The following SUGCT variants were observed in gnomAD, a reference collection of about 807,000 sequenced individuals.
SUGCT encodes the protein succinyl-CoA:glutarate CoA-transferase.
Under a neutral mutation model 55.0 loss-of-function variants are expected in SUGCT, and 41 were observed. The observed-to-expected ratio is 0.74, with a 90% CI of 0.58 to 0.97. SUGCT has a LOEUF of 0.97. Ranked by LOEUF, SUGCT falls within the 50% of genes least tolerant of loss-of-function variation. The pLI, the probability that SUGCT is intolerant of heterozygous loss-of-function variation, is 0.00. For synonymous variants in SUGCT, 187 were observed against 200.4 expected (o/e 0.93, Z 0.56); for missense variants, 568 against 547.8 (o/e 1.04, Z -0.37).
At chr7:40,582,847 G>C (rs1383293703) in intron 12 of SUGCT, among the ~76,000 whole-genome samples, 1 of 152,120 alleles carries the variant, frequency 6.6e-6, no homozygotes, top group Non-Finnish European at 1.5e-5. Flanking sequence ...TATCCAAAAA[G>C]TTTAGAAAAG....
intron 12 of SUGCT, among the ~76,000 whole-genome samples, chr7:40,660,119 G>A (rs184985416): frequency 6.8e-4 from 103 of 152,288 alleles, no homozygotes; most frequent in African/African-American, 1.2e-3. Context: ...GGTTTCTCAC[G>A]TAAAGTTTTC....
At chr7:40,793,554 C>T (rs918162354) in intron 13 of SUGCT, among the ~76,000 whole-genome samples, 3 of 151,920 alleles carry the variant, frequency 2.0e-5, no homozygotes, top group Admixed American at 1.3e-4. Context: ...TTGTCTTGGA[C>T]TTTATTTTTT....
chr7:40,276,583 A>G (rs1254573782), intron 8 of SUGCT, among the ~76,000 whole-genome samples: 2 of 152,188 alleles, frequency 1.3e-5, no homozygotes, highest in Non-Finnish European at 2.9e-5. Context: ...ACTCTAATGT[A>G]TAAAGAGTAT....
intron 11 of SUGCT, among the ~76,000 whole-genome samples, chr7:40,481,386 A>G (rs1791028220): frequency 6.6e-6 from 1 of 151,010 alleles, no homozygotes; most frequent in African/African-American, 2.4e-5. Context: ...TATATGTGGT[A>G]GGATTAAGAT....
At chr7:40,962,375 A>G in the SUGCT span, among the ~76,000 whole-genome samples, 7,511 of 152,050 alleles carry the variant, frequency 0.049, 637 homozygotes, top group African/African-American at 0.17. Context: ...AAAGTTCTCC[A>G]AGTCCCCACC....
At chr7:40,169,740 CTT>C (rs879582959) in intron 1 of SUGCT, among the ~76,000 whole-genome samples, 2 of 145,034 alleles carry the variant, frequency 1.4e-5, no homozygotes. Context: ...AAGTGGTGGC[CTT>C]TTTTTTTTTT....
chr7:40,165,789 CTG>C (rs1784395543), intron 1 of SUGCT, among the ~76,000 whole-genome samples: 1 of 151,990 alleles, frequency 6.6e-6, no homozygotes, highest in African/African-American at 2.4e-5. Flanking sequence ...GATCATGTGA[CTG>C]TATAATACAT....
intron 12 of SUGCT, among the ~76,000 whole-genome samples, chr7:40,560,510 C>T (rs925961783): frequency 1.3e-5 from 2 of 152,162 alleles, no homozygotes; most frequent in African/African-American, 4.8e-5. Flanking sequence ...AGCATACTCC[C>T]TTATGGAAAA....
At chr7:40,404,878 A>G (rs1364857421) in intron 9 of SUGCT, among the ~76,000 whole-genome samples, 1 of 152,184 alleles carries the variant, frequency 6.6e-6, no homozygotes, top group African/African-American at 2.4e-5. Context: ...CAGGTTCTTA[A>G]TGTTTACAGA....
At chr7:40,899,284 C>G in the SUGCT span, among the ~76,000 whole-genome samples, 144 of 152,304 alleles carry the variant, frequency 9.5e-4, no homozygotes, top group African/African-American at 3.3e-3. Context: ...GCGTATCTGA[C>G]TCAGTGAGCA....
At chr7:40,423,834 A>C (rs572101125) in intron 9 of SUGCT, among the ~76,000 whole-genome samples, 5 of 152,118 alleles carry the variant, frequency 3.3e-5, no homozygotes, top group Non-Finnish European at 7.4e-5. Flanking sequence ...TTACAACATC[A>C]AGGGGTTTAT....
chr7:40,403,055 G>A (rs10237675), intron 9 of SUGCT, among the ~76,000 whole-genome samples: 145,741 of 152,318 alleles, frequency 0.96, 70,060 homozygotes, highest in East Asian at 1. Context: ...TACTTACTTC[G>A]TTTTAAACTG....
intron 7 of SUGCT, among the ~76,000 whole-genome samples, chr7:40,245,423 A>ATATTTTT (rs1344678220): frequency 3.7e-5 from 2 of 54,584 alleles, no homozygotes; most frequent in Non-Finnish European, 6.6e-5. Context: ...ATATATATAT[A>ATATTTTT]TTTTTTTTTT....
At chr7:40,304,353 A>G (rs779185917) in intron 8 of SUGCT, among the ~76,000 whole-genome samples, 6 of 150,834 alleles carry the variant, frequency 4.0e-5, no homozygotes, top group African/African-American at 4.9e-5. Context: ...TGGTCACCCC[A>G]TTTACAACAG....
At chr7:40,151,663 A>T (rs373251384) in intron 1 of SUGCT, 97 of 221,310 alleles carry the variant, frequency 4.4e-4, no homozygotes, top group African/African-American at 2.0e-3. Context: ...GTAAACCTGC[A>T]TGAGAACCAG....
At chr7:40,583,308 A>T (rs1475471315) in intron 12 of SUGCT, among the ~76,000 whole-genome samples, 1 of 152,174 alleles carries the variant, frequency 6.6e-6, no homozygotes, top group Non-Finnish European at 1.5e-5. Context: ...TTTCTTGAGT[A>T]TAGAGGGAGA....
chr7:40,699,794 G>A (rs1010290193), intron 12 of SUGCT, among the ~76,000 whole-genome samples: 2 of 152,076 alleles, frequency 1.3e-5, no homozygotes, highest in African/African-American at 2.4e-5. Flanking sequence ...GCTTGAACCC[G>A]GGAGGTGGAG....
intron 13 of SUGCT, among the ~76,000 whole-genome samples, chr7:40,776,672 G>A (rs1789468760): frequency 6.6e-6 from 1 of 152,076 alleles, no homozygotes; most frequent in Admixed American, 6.5e-5. Flanking sequence ...ATCTCTTTGT[G>A]CTCTAGGCTC....
At chr7:40,711,471 C>T (rs554102533) in intron 12 of SUGCT, among the ~76,000 whole-genome samples, 58 of 152,132 alleles carry the variant, frequency 3.8e-4, no homozygotes, top group African/African-American at 1.3e-3. Flanking sequence ...CACTGTACTC[C>T]AGCCTGTGTG....
Sources: allele counts gnomAD v4.1 joint callset (sites outside exome capture counted in the v4.1 genomes callset), GRCh38; gene constraint gnomAD v4.1.1; transcripts MANE v1.5; gene names NCBI Gene and HGNC (gene_info 2026-07-23, HGNC 2026-07-21).